The following C17orf78 variants were observed in gnomAD, a reference collection of about 807,000 sequenced individuals.
C17orf78 encodes the protein uncharacterized protein C17orf78.
In C17orf78, 27 loss-of-function variants were observed where a neutral mutation model predicts 31.8. The ratio of observed to expected loss-of-function variants is 0.85; its 90% CI spans 0.63 to 1.17. The LOEUF (loss-of-function observed/expected upper bound fraction) is 1.17, where lower values mean the gene tolerates loss of function less well. C17orf78 is among the 50% of genes most tolerant of loss of function. The pLI is 0.00. For synonymous variants in C17orf78, 106 were observed against 115.1 expected (o/e 0.92, Z 0.51); for missense variants, 258 against 315.2 (o/e 0.82, Z 1.37).
At chr17:37,386,189 A>G in intron 4 of C17orf78, 64 bp downstream of exon 4, 1 of 1,108,762 alleles carries the variant, frequency 9.0e-7, no homozygotes, top group Non-Finnish European at 1.3e-6. Context: ...GGAACAGAAA[A>G]GAAACATTTT....
chr17:37,377,978 T>A lies in C17orf78; in HGVS notation c.145+13T>A, dbSNP rs377481552. The A allele has an allele frequency of 4.9e-5, 79 of 1,610,312 alleles. No individual in the cohort carries two copies. Among genetic ancestry groups the A allele is most frequent in the Non-Finnish European group, 6.5e-5 (77 of 1,177,016 alleles). On this transcript the variant is annotated intron_variant, in intron 2 of 6. Coordinates refer to ENST00000615133, the MANE Select transcript of C17orf78 (RefSeq NM_173625.5). ...TTGCAAATGCAAGGTAGGGAATGGG[T>A]CCTTTCTGGAAAATGATATTGCCAT...
At chr17:37,387,813 A>G (rs1490830712) in intron 4 of C17orf78, 1 of 152,018 alleles carries the variant, frequency 6.6e-6, no homozygotes, top group Admixed American at 6.6e-5. Context: ...TAAGATTCCA[A>G]TTTGGGTTAC....
At chr17:37,386,969 C>T (rs955580552) in intron 4 of C17orf78, 3 of 152,214 alleles carry the variant, frequency 2.0e-5, no homozygotes, top group African/African-American at 4.8e-5. Context: ...AGGTGTGTGC[C>T]ACCATGTTCA....
rs534512935 is a variant in C17orf78, at chr17:37,390,384, G to A, written c.750+1022G>A. Among the ~76,000 whole-genome samples, 310 of 122,426 alleles carry A rather than the reference G, an allele frequency of 2.5e-3. 4 individuals are homozygous for A. The highest frequency in any genetic ancestry group is 8.1e-3 in the African/African-American group (249 of 30,826). The allele number at this position is 122,426 out of a possible 152,430, so 80.3% of individuals were successfully genotyped here. ...TGGCTCACGCCTGTAATCCTAGCAC[G>A]TTGGGAGGCCAAGGCAGGTGGATCA... On this transcript the variant is annotated intron_variant, in intron 6 of 6. Transcript: ENST00000615133.
rs1179671031 is a variant in C17orf78, at chr17:37,389,330, G to C, written c.718G>C (p.Ala240Pro). ...QKKGGQPPGT[A>P]ESKPDSQPQK... ...GAAGGGAGGCCAGCCACCTGGGACA[G>C]CTGAATCCAAGCCTGACTCTCAGCC... is the stretch of plus-strand genomic sequence containing the variant. Residue 240 changes from alanine to proline, a missense_variant, in exon 6 of 7, where the codon GCT becomes CCT. Transcript: ENST00000615133. 24 of 1,593,288 alleles carry C rather than the reference G, an allele frequency of 1.5e-5. No individual in the cohort carries two copies. In the Admixed American group the frequency reaches 4.2e-4, roughly 28 times the overall value.
In C17orf78 at chr17:37,386,119, A is replaced by T; in HGVS notation, c.502A>T (p.Ser168Cys). Residue 168 changes from serine to cysteine, a missense_variant, in exon 4 of 7, where the codon AGT (serine) becomes TGT (cysteine). Ser to Cys is a moderately radical substitution (Grantham distance 112, BLOSUM62 -1). Transcript: ENST00000615133. ...GAATAAAGAAGGAGAGAAAACTACAAGTACCGGTAATTTTTCTAGCTTTGA... is the reference window on the plus strand; with the variant it reads ...GAATAAAGAAGGAGAGAAAACTACATGTACCGGTAATTTTTCTAGCTTTGA... ...PGNKEGEKTTSTDTDENLEKR... is the reference protein window; with the variant it reads ...PGNKEGEKTTCTDTDENLEKR... 1 of 1,550,972 alleles carries T rather than the reference A, an allele frequency of 6.4e-7. No homozygotes were observed.
chr17:37,389,913 T>C (rs1321456447), intron 6 of C17orf78, among the ~76,000 whole-genome samples: 1 of 150,264 alleles, frequency 6.7e-6, no homozygotes, highest in East Asian at 2.0e-4. Flanking sequence ...TACAATAGGG[T>C]GCTTATTGAA....
chr17:37,390,324 A>C lies in C17orf78; in HGVS notation c.750+962A>C, dbSNP rs768550126. ...CATAATTATATATATATATATATATATATATATATAAAAGGCCAGCTGGGC... is the reference window on the plus strand; with the variant it reads ...CATAATTATATATATATATATATATCTATATATATAAAAGGCCAGCTGGGC... On this transcript the variant is annotated intron_variant, in intron 6 of 6. Coordinates refer to ENST00000615133, the MANE Select transcript of C17orf78 (RefSeq NM_173625.5). 1.5e-4 allele frequency among the ~76,000 whole-genome samples: 10 copies of C among 66,838 alleles called. 2 individuals are homozygous for C. Among genetic ancestry groups the C allele is most frequent in the African/African-American group, 4.5e-4 (6 of 13,384 alleles). 43.8% of individuals were successfully genotyped at this position (66,838 alleles called of 152,430 possible).
chr17:37,383,437 C>G (rs2050391685), intron 3 of C17orf78, among the ~76,000 whole-genome samples: 1 of 152,194 alleles, frequency 6.6e-6, no homozygotes, highest in South Asian at 2.1e-4. Context: ...AGCTAATACT[C>G]TGTACTATTT....
chr17:37,388,251 G>C (rs1315098978), intron 4 of C17orf78, among the ~76,000 whole-genome samples: 4 of 152,152 alleles, frequency 2.6e-5, no homozygotes, highest in African/African-American at 9.7e-5. Flanking sequence ...TTCTATGAAA[G>C]CCAGGAGAAA....
chr17:37,392,140 A>G lies in C17orf78; in HGVS notation c.*416A>G, dbSNP rs2050910050. 5.7e-6 allele frequency: 1 copy of G among 176,354 alleles called. No homozygotes were observed. 10.9% of individuals were successfully genotyped at this position (176,354 alleles called of 1,614,324 possible). A position where few individuals can be genotyped will look rare whatever the true frequency, so the allele number is the denominator to read the frequency against. On this transcript the variant is annotated 3_prime_UTR_variant, in exon 7 of 7. Coordinates refer to ENST00000615133, the MANE Select transcript of C17orf78 (RefSeq NM_173625.5). ...CACACTCACTGGCCCTCAATAGCTT[A>G]GAGTGGGACTCCTGATCTCCCTGGT...
In C17orf78 at chr17:37,389,308, G is replaced by T; in HGVS notation, c.696G>T (p.Lys232Asn). 1 of 1,599,048 alleles carries T rather than the reference G, an allele frequency of 6.3e-7. No individual in the cohort carries two copies. Among genetic ancestry groups the T allele is most frequent in the East Asian group, 2.3e-5 (1 of 44,344 alleles). The change falls in exon 6 of 7, where the codon AAG becomes AAT. Residue 232 changes from lysine to asparagine, a missense_variant. Coordinates refer to ENST00000615133, the MANE Select transcript of C17orf78 (RefSeq NM_173625.5). ...QCQWLWRWQK[K>N]GGQPPGTAES... ...AGTGGTTGTGGAGATGGCAAAAGAAGGGAGGCCAGCCACCTGGGACAGCTG... is the reference window on the plus strand; with the variant it reads ...AGTGGTTGTGGAGATGGCAAAAGAATGGAGGCCAGCCACCTGGGACAGCTG...
In C17orf78 at chr17:37,391,677, C is replaced by A; in HGVS notation, c.781C>A (p.Pro261Thr). ...VGQDAANSSN[P>T]KKAAEITVIH... ...ACAAGATGCTGCCAATTCATCAAAC[C>A]CAAAGAAAGCTGCAGAGATCACTGT... Residue 261 changes from proline (P) to threonine (T), a missense_variant, in exon 7 of 7, where the codon CCA becomes ACA. Physicochemically the swap from Pro to Thr is conservative, Grantham distance 38 (BLOSUM62 -1). Coordinates refer to ENST00000615133, the MANE Select transcript of C17orf78 (RefSeq NM_173625.5). The A allele has an allele frequency of 6.2e-7, 1 of 1,613,820 alleles. No homozygotes were observed.
chr17:37,380,306 G>A (rs189913444), intron 3 of C17orf78, among the ~76,000 whole-genome samples: 4 of 149,806 alleles, frequency 2.7e-5, no homozygotes, highest in African/African-American at 4.9e-5. Flanking sequence ...GGATAGCATC[G>A]GGAGATATAC....
rs2050513887 is a variant in C17orf78 at position 37,386,062 on chromosome 17, T to C, written c.445T>C (p.Phe149Leu). 7 of 1,606,800 alleles carry C rather than the reference T, an allele frequency of 4.4e-6. No homozygotes were observed. Among genetic ancestry groups the C allele is most frequent in the Non-Finnish European group, 6.0e-6 (7 of 1,174,698 alleles). Residue 149 changes from phenylalanine to leucine, a missense_variant, in exon 4 of 7, where the codon TTT (phenylalanine) becomes CTT (leucine). Phe to Leu is a conservative substitution (Grantham distance 22). Transcript: ENST00000615133. ...AGTCCTGGGGGCTTCATCAGAGACT[T>C]TTCCCACCACTGCCCCTTCTATAAC... ...CKVLGASSET[F>L]PTTAPSITPG...
Position 37,377,983 on chromosome 17 carries a change from T to C in C17orf78, c.145+18T>C, listed in dbSNP as rs1277406949. 1.2e-6 allele frequency: 2 copies of C among 1,609,264 alleles called. No homozygotes were observed. Among genetic ancestry groups the C allele is most frequent in the Non-Finnish European group, 8.5e-7 (1 of 1,175,796 alleles). On this transcript the variant is annotated intron_variant, in intron 2 of 6. Coordinates refer to ENST00000615133, the MANE Select transcript of C17orf78 (RefSeq NM_173625.5). ...AATGCAAGGTAGGGAATGGGTCCTT[T>C]CTGGAAAATGATATTGCCATTCCAA...
Position 37,391,813 on chromosome 17 carries a change from A to C in C17orf78, c.*89A>C, listed in dbSNP as rs1315778189. 3.5e-6 allele frequency: 4 copies of C among 1,156,904 alleles called. No homozygotes were observed. Among genetic ancestry groups the C allele is most frequent in the Non-Finnish European group, 5.2e-6 (4 of 773,982 alleles). 71.7% of individuals were successfully genotyped at this position (1,156,904 alleles called of 1,614,324 possible). On this transcript the variant is annotated 3_prime_UTR_variant, in exon 7 of 7. Coordinates refer to ENST00000615133, the MANE Select transcript of C17orf78 (RefSeq NM_173625.5). ...ACATTCTTGCCAATTTCACACTTGTATCTTCAGCAGGGACATTACAATCAA... is the reference window on the plus strand; with the variant it reads ...ACATTCTTGCCAATTTCACACTTGTCTCTTCAGCAGGGACATTACAATCAA...
rs1485561896 is a variant in C17orf78 at position 37,390,318 on chromosome 17, A to ATTT, written c.750+957_750+958insTTT. The stretch of plus-strand genomic sequence containing the variant: ...ATTATACATAATTATATATATATAT[A>ATTT]TATATATATATATATAAAAGGCCAG... On this transcript the variant is annotated intron_variant, in intron 6 of 6. Transcript: ENST00000615133. Among the ~76,000 whole-genome samples the ATTT allele has an allele frequency of 2.0e-3, 104 of 52,228 alleles. 5 individuals are homozygous for ATTT. The highest frequency in any genetic ancestry group is 0.01 in the African/African-American group (89 of 8,744). The allele number at this position is 52,228 out of a possible 152,430, so 34.3% of individuals were successfully genotyped here. A position where few individuals can be genotyped will look rare whatever the true frequency, so the allele number is the denominator to read the frequency against.
chr17:37,387,306 G>C (rs909094185), intron 4 of C17orf78: 1 of 151,688 alleles, frequency 6.6e-6, no homozygotes, highest in African/African-American at 2.4e-5. Flanking sequence ...TTTTAGCAGA[G>C]ACAGGGTTTC....
Sources: gnomAD v4.1 joint callset for allele counts (sites outside exome capture counted in the v4.1 genomes callset) on GRCh38, gnomAD v4.1.1 for gene constraint, MANE v1.5 for transcripts, NCBI Gene and HGNC (gene_info 2026-07-23, HGNC 2026-07-21) for gene names.